The following EPB41 variants were observed in gnomAD, a reference collection of about 807,000 sequenced individuals.
EPB41 encodes erythrocyte membrane protein band 4.1, also known as protein 4.1.
EPB41 carries 65 observed loss-of-function variants against 108.0 expected under a neutral mutation model. That is an observed-to-expected ratio of 0.60 (90% CI 0.49 to 0.74). The LOEUF is 0.74. Ranked by LOEUF, EPB41 falls within the 30% of genes least tolerant of loss-of-function variation. The pLI, the probability that EPB41 is intolerant of heterozygous loss-of-function variation, is 0.00. For missense variants in EPB41, 875 were observed against 1,037.0 expected (o/e 0.84, Z 2.15); for synonymous variants, 336 against 358.9 (o/e 0.94, Z 0.72).
intron 1 of EPB41, among the ~76,000 whole-genome samples, chr1:28,894,886 C>A (rs112984230): frequency 1.3e-5 from 2 of 152,256 alleles, no homozygotes; most frequent in African/African-American, 4.8e-5. Context: ...TGGCTTTTTT[C>A]TCCTACTTTT....
chr1:29,022,388 A>G lies in EPB41; in HGVS notation c.1124+3946A>G, dbSNP rs560660033. On this transcript the variant is annotated intron_variant, in intron 7 of 20. Coordinates refer to ENST00000343067, the MANE Select transcript of EPB41 (RefSeq NM_001376013.1). ...TTGATATAATAAAAAAAAAAAAAAA[A>G]AAAGAAACTGCCATTGATAAGTTTT... is the stretch of plus-strand genomic sequence containing the variant. Among the ~76,000 whole-genome samples, 21 of 151,532 alleles carry G rather than the reference A, an allele frequency of 1.4e-4. No homozygotes were observed. In the East Asian group the frequency reaches 3.3e-3, roughly 24 times the overall value.
intron 1 of EPB41, among the ~76,000 whole-genome samples, chr1:28,948,863 C>T (rs1272351565): frequency 1.3e-5 from 2 of 152,010 alleles, no homozygotes; most frequent in African/African-American, 4.8e-5. Context: ...GCAGAAGAAT[C>T]GCTTGAACCC....
At chr1:29,111,385 G>A (rs559577642) in intron 18 of EPB41, among the ~76,000 whole-genome samples, 6 of 151,908 alleles carry the variant, frequency 3.9e-5, no homozygotes, top group Admixed American at 6.6e-5. Context: ...GGCTGGGCGC[G>A]GTGGCTCACA....
chr1:29,114,836 T>C (rs1292845269), intron 19 of EPB41, among the ~76,000 whole-genome samples: 1 of 152,158 alleles, frequency 6.6e-6, no homozygotes, highest in Non-Finnish European at 1.5e-5. Context: ...TAATAAATTA[T>C]AACTTAATAG....
upstream of EPB41, among the ~76,000 whole-genome samples, chr1:28,909,813 A>AATAG (rs34584577): frequency 0.3 from 45,079 of 151,140 alleles, 8,612 homozygotes; most frequent in Non-Finnish European, 0.41. Flanking sequence ...AGATAAATAC[A>AATAG]ATAGATAGAT....
intron 1 of EPB41, among the ~76,000 whole-genome samples, chr1:28,970,629 A>G (rs907928040): frequency 6.6e-6 from 1 of 152,210 alleles, no homozygotes; most frequent in Non-Finnish European, 1.5e-5. Context: ...AACACCTTAT[A>G]TAAATAATGG....
In EPB41 at chr1:29,118,896, TGATGGCCA is replaced by T. The variant is rs1161215656; in HGVS notation, c.*2092_*2099del. On this transcript the variant is annotated 3_prime_UTR_variant, in exon 21 of 21. Coordinates refer to ENST00000343067, the MANE Select transcript of EPB41 (RefSeq NM_001376013.1). ...GAACATGTAGTGCATGCCCACTGCC[TGATGGCCA>T]GATGGCCTGTAGGAAGAGCTACCAG... is the stretch of plus-strand genomic sequence containing the variant. 2 of 152,300 alleles carry T rather than the reference TGATGGCCA, an allele frequency of 1.3e-5. No homozygotes were observed. The highest frequency in any genetic ancestry group is 2.9e-5 in the Non-Finnish European group (2 of 68,076). 9.4% of individuals were successfully genotyped at this position (152,300 alleles called of 1,614,324 possible).
intron 1 of EPB41, among the ~76,000 whole-genome samples, chr1:28,917,268 A>ATG (rs1284406404): frequency 2.0e-5 from 3 of 147,294 alleles, no homozygotes; most frequent in South Asian, 2.1e-4. Flanking sequence ...GTGTGTGTGT[A>ATG]TGTGTGTGTG....
At chr1:29,032,805 T>A (rs1558088872) in intron 8 of EPB41, among the ~76,000 whole-genome samples, 4 of 152,136 alleles carry the variant, frequency 2.6e-5, no homozygotes, top group African/African-American at 9.7e-5. Context: ...ACTCCTACAT[T>A]TAACATCATT....
At chr1:28,942,181 A>G (rs748702161) in intron 1 of EPB41, among the ~76,000 whole-genome samples, 5 of 152,146 alleles carry the variant, frequency 3.3e-5, no homozygotes, top group African/African-American at 4.8e-5. Flanking sequence ...GGTTTTTCCC[A>G]CACACTAACC....
chr1:29,008,211 C>T (rs1176180860), intron 4 of EPB41, among the ~76,000 whole-genome samples: 1 of 152,168 alleles, frequency 6.6e-6, no homozygotes, highest in African/African-American at 2.4e-5. Context: ...CTTACCAACC[C>T]TCATCATGAG....
chr1:29,004,651 T>C (rs1473753664), intron 4 of EPB41, among the ~76,000 whole-genome samples: 1 of 152,226 alleles, frequency 6.6e-6, no homozygotes, highest in East Asian at 1.9e-4. Context: ...ATCTTGTCTT[T>C]TGCTACAGAG....
At chr1:29,113,058 G>T (rs1466179566) in intron 19 of EPB41, among the ~76,000 whole-genome samples, 3 of 152,172 alleles carry the variant, frequency 2.0e-5, no homozygotes, top group Non-Finnish European at 4.4e-5. Flanking sequence ...CTTTTCCGCT[G>T]ATTTTTTTCT....
intron 11 of EPB41, among the ~76,000 whole-genome samples, chr1:29,049,992 A>G (rs1644211596): frequency 6.6e-6 from 1 of 152,214 alleles, no homozygotes; most frequent in African/African-American, 2.4e-5. Flanking sequence ...ACTGTGTGGT[A>G]TGTGAATTGT....
In EPB41 at chr1:28,988,464, ATTC is replaced by A. The variant is rs532119152; in HGVS notation, c.468+564_468+566del. Among the ~76,000 whole-genome samples the A allele has an allele frequency of 5.9e-5, 9 of 151,888 alleles. No individual in the cohort carries two copies. The East Asian group carries it at 1.8e-3, about 30-fold the overall frequency. Reference sequence around the variant, plus strand: ...AACCTCCCCGTCCTGGGTTCAAGCTATTCTTCTGCCTCAGCCTCCCGAGTAGCT... The same window carrying A: ...AACCTCCCCGTCCTGGGTTCAAGCTATTCTGCCTCAGCCTCCCGAGTAGCT... On this transcript the variant is annotated intron_variant, in intron 2 of 20. Transcript: ENST00000343067.
intron 12 of EPB41, among the ~76,000 whole-genome samples, chr1:29,055,415 T>C (rs1321810655): frequency 1.3e-5 from 2 of 152,128 alleles, no homozygotes; most frequent in Non-Finnish European, 2.9e-5. Context: ...ATAAATACCT[T>C]CAACAATAGG....
intron 1 of EPB41, among the ~76,000 whole-genome samples, chr1:28,929,387 G>A (rs757825417): frequency 1.3e-5 from 2 of 151,416 alleles, no homozygotes; most frequent in Non-Finnish European, 2.9e-5. Flanking sequence ...CACCGTGCCC[G>A]GCTAATTTTT....
intron 1 of EPB41, among the ~76,000 whole-genome samples, chr1:28,947,637 G>A (rs1451012099): frequency 6.6e-6 from 1 of 151,376 alleles, no homozygotes; most frequent in Non-Finnish European, 1.5e-5. Context: ...GATCAGTGTG[G>A]CCAACATGAT....
intron 17 of EPB41, among the ~76,000 whole-genome samples, chr1:29,109,085 C>T (rs1310427885): frequency 6.6e-6 from 1 of 151,696 alleles, no homozygotes; most frequent in Non-Finnish European, 1.5e-5. Context: ...GTAATCCCAG[C>T]TACTCAGGAG....
Sources: allele counts gnomAD v4.1 joint callset (sites outside exome capture counted in the v4.1 genomes callset), GRCh38; gene constraint gnomAD v4.1.1; transcripts MANE v1.5; gene names NCBI Gene and HGNC (gene_info 2026-07-23, HGNC 2026-07-21).